The following SIPA1L3 variants were observed in gnomAD, a reference collection of about 807,000 sequenced individuals.
SIPA1L3 encodes the protein signal-induced proliferation-associated 1-like protein 3.
In SIPA1L3, 59 loss-of-function variants were observed where a neutral mutation model predicts 150.1. The ratio of observed to expected loss-of-function variants is 0.39; its 90% CI spans 0.32 to 0.49. The LOEUF (loss-of-function observed/expected upper bound fraction) is 0.49, where lower values mean the gene tolerates loss of function less well. Among genes scored for constraint, SIPA1L3 ranks in the 20% least tolerant of loss-of-function variants. The pLI is 0.86. For synonymous variants in SIPA1L3, 1,070 were observed against 1,077.6 expected, an observed-to-expected ratio of 0.99 and a Z score of 0.14; for missense variants, 2,211 against 2,489.5, an observed-to-expected ratio of 0.89 and a Z score of 2.38.
chr19:38,039,328 G>A (rs1373785561), intron 2 of SIPA1L3, among the ~76,000 whole-genome samples: 4 of 147,718 alleles, frequency 2.7e-5, no homozygotes, highest in Admixed American at 1.4e-4. Flanking sequence ...AATGCCATAC[G>A]TGCCCCAAAA....
intron 16 of SIPA1L3, chr19:38,183,067 G>C: frequency 3.6e-6 from 1 of 276,674 alleles, no homozygotes; most frequent in Non-Finnish European, 6.7e-6. Context: ...GAGTGACACG[G>C]TTGCCTGTGG....
At chr19:38,152,411 T>G (rs75785372) in intron 12 of SIPA1L3, among the ~76,000 whole-genome samples, 137 of 152,322 alleles carry the variant, frequency 9.0e-4, no homozygotes, top group African/African-American at 3.2e-3. Context: ...CAGGGCCTGC[T>G]GCACCCATGA....
At chr19:38,196,889 C>T (rs1306458557) in intron 18 of SIPA1L3, among the ~76,000 whole-genome samples, 2 of 152,186 alleles carry the variant, frequency 1.3e-5, no homozygotes. Flanking sequence ...CCCACGTCTT[C>T]CACTCACAGA....
intron 2 of SIPA1L3, among the ~76,000 whole-genome samples, chr19:38,060,946 C>G (rs1969433562): frequency 6.6e-6 from 1 of 152,230 alleles, no homozygotes; most frequent in African/African-American, 2.4e-5. Context: ...CCCGCCTCAG[C>G]CTCCCAGAGT....
intron 1 of SIPA1L3, among the ~76,000 whole-genome samples, chr19:38,005,612 C>A (rs994253636): frequency 6.6e-6 from 1 of 152,198 alleles, no homozygotes; most frequent in African/African-American, 2.4e-5. Flanking sequence ...TCAGGGCTTC[C>A]CCCTCCCCTT....
At chr19:38,200,289 A>T (rs1358709262) in intron 19 of SIPA1L3, 1 of 152,152 alleles carries the variant, frequency 6.6e-6, no homozygotes, top group Non-Finnish European at 1.5e-5. Context: ...CTGAAGCAGG[A>T]GGATCGCTGG....
At chr19:38,103,922 GGAAA>G (rs1970564765) in intron 6 of SIPA1L3, among the ~76,000 whole-genome samples, 1 of 138,434 alleles carries the variant, frequency 7.2e-6, no homozygotes, top group Non-Finnish European at 1.6e-5. Context: ...AAAAAAAAAA[GGAAA>G]GAAAAAAATA....
intron 2 of SIPA1L3, among the ~76,000 whole-genome samples, chr19:38,077,368 T>C (rs867206233): frequency 2.0e-5 from 3 of 152,204 alleles, no homozygotes; most frequent in South Asian, 2.1e-4. Context: ...GGAAGATCAC[T>C]TGAGCCCTGG....
At chr19:38,041,817 C>T (rs1300703524) in intron 2 of SIPA1L3, among the ~76,000 whole-genome samples, 4 of 152,070 alleles carry the variant, frequency 2.6e-5, no homozygotes. Context: ...TCAAGTGATC[C>T]TCCTGTCTCA....
chr19:38,000,877 TTA>T lies in SIPA1L3; in HGVS notation c.-378-28198_-378-28197del, dbSNP rs765549740. ...TTTGTACATTTATGTTCCAAGTTTTTTATATATATATATATGTTATATATATA... is the reference window on the plus strand; with the variant it reads ...TTTGTACATTTATGTTCCAAGTTTTTTATATATATATATGTTATATATATA... On this transcript the variant is annotated intron_variant, in intron 1 of 21. Transcript: ENST00000222345. 2.3e-3 allele frequency among the ~76,000 whole-genome samples: 334 copies of T among 143,598 alleles called. 2 individuals carry two copies. The highest frequency in any genetic ancestry group is 7.0e-3 in the African/African-American group (272 of 38,944). 94.2% of individuals were successfully genotyped at this position (143,598 alleles called of 152,430 possible). A position where few individuals can be genotyped will look rare whatever the true frequency, so the allele number is the denominator to read the frequency against.
chr19:38,160,486 C>T (rs1292718697), intron 13 of SIPA1L3, among the ~76,000 whole-genome samples: 1 of 151,762 alleles, frequency 6.6e-6, no homozygotes, highest in African/African-American at 2.4e-5. Context: ...ACTGCAGCCT[C>T]CTCCTCCCAG....
At chr19:38,039,245 T>G (rs1331189175) in intron 2 of SIPA1L3, among the ~76,000 whole-genome samples, 1 of 152,122 alleles carries the variant, frequency 6.6e-6, no homozygotes, top group Non-Finnish European at 1.5e-5. Flanking sequence ...AAAGGACCCA[T>G]AATGCCCCAA....
Position 38,056,747 on chromosome 19 carries a change from A to G in SIPA1L3, c.-310-24509A>G, listed in dbSNP as rs1969324402. Among the ~76,000 whole-genome samples the G allele has an allele frequency of 1.3e-5, 2 of 152,166 alleles. 1 individual carries two copies. The highest frequency in any genetic ancestry group is 4.1e-4 in the South Asian group (2 of 4,834). The stretch of plus-strand genomic sequence containing the variant: ...TTTTTTTTCCCCCTGATTTTGAAAC[A>G]TTCACTGAAAGTAATATGAAAAAAT... On this transcript the variant is annotated intron_variant, in intron 2 of 21. Transcript: ENST00000222345.
chr19:38,043,757 G>A (rs1466939169), intron 2 of SIPA1L3, among the ~76,000 whole-genome samples: 2 of 152,166 alleles, frequency 1.3e-5, no homozygotes, highest in Non-Finnish European at 1.5e-5. Flanking sequence ...GTGAGATACC[G>A]TGACACACCT....
At chr19:38,177,744 G>A (rs146659632) in intron 15 of SIPA1L3, among the ~76,000 whole-genome samples, 12 of 150,542 alleles carry the variant, frequency 8.0e-5, no homozygotes, top group East Asian at 2.0e-4. Flanking sequence ...ATATGCTTGC[G>A]GCAGGGCGCA....
chr19:38,044,339 G>A (rs1969001002), intron 2 of SIPA1L3, among the ~76,000 whole-genome samples: 1 of 152,156 alleles, frequency 6.6e-6, no homozygotes, highest in African/African-American at 2.4e-5. Flanking sequence ...GAAAAGTAGG[G>A]GTCCCCAGCA....
At chr19:37,972,122 TGTG>T (rs994442288) in intron 1 of SIPA1L3, among the ~76,000 whole-genome samples, 1 of 151,842 alleles carries the variant, frequency 6.6e-6, no homozygotes, top group African/African-American at 2.4e-5. Flanking sequence ...TACTAAGTCA[TGTG>T]GTAACTATGT....
chr19:38,003,621 G>A (rs1206000143), intron 1 of SIPA1L3, among the ~76,000 whole-genome samples: 2 of 152,084 alleles, frequency 1.3e-5, no homozygotes, highest in African/African-American at 4.8e-5. Context: ...CCTTTTTCCT[G>A]CTGCCTCGTA....
At chr19:38,109,559 A>G (rs1970694715) in intron 7 of SIPA1L3, 1 of 152,424 alleles carries the variant, frequency 6.6e-6, no homozygotes, top group Non-Finnish European at 1.5e-5. Flanking sequence ...GGTGGCGCCT[A>G]TAACTGGCCC....
Sources: allele counts gnomAD v4.1 joint callset (sites outside exome capture counted in the v4.1 genomes callset), GRCh38; gene constraint gnomAD v4.1.1; transcripts MANE v1.5; gene names NCBI Gene and HGNC (gene_info 2026-07-23, HGNC 2026-07-21).